Variants in TBC1D4 observed in about 807,000 individuals in gnomAD.
TBC1D4 encodes the protein TBC1 domain family member 4.
TBC1D4 carries 121 observed loss-of-function variants against 142.5 expected under a neutral mutation model. That is an observed-to-expected ratio of 0.85 (90% CI 0.73 to 0.99). The LOEUF is 0.99. TBC1D4 is among the 50% of genes least tolerant of loss of function. The pLI is 0.00. For missense variants in TBC1D4, 1,475 were observed against 1,606.6 expected (o/e 0.92, Z 1.40); for synonymous variants, 630 against 628.2 (o/e 1.00, Z -0.04).
intron 5 of TBC1D4, 115 bp downstream of exon 5, chr13:75,349,055 C>A (rs1881391693): frequency 6.6e-7 from 1 of 1,520,226 alleles, no homozygotes. Context: ...AGAAATGATT[C>A]TTTGGGTTCT....
intron 1 of TBC1D4, among the ~76,000 whole-genome samples, chr13:75,371,885 T>A (rs887458970): frequency 1.1e-4 from 17 of 152,348 alleles, no homozygotes; most frequent in African/African-American, 3.8e-4. Flanking sequence ...AATACTCTAT[T>A]GTGTACCTTC....
chr13:75,450,297 G>A (rs1566499021), intron 1 of TBC1D4, among the ~76,000 whole-genome samples: 1 of 152,030 alleles, frequency 6.6e-6, no homozygotes, highest in Admixed American at 6.6e-5. Flanking sequence ...TCCTCCAGAG[G>A]TGTACTTCAT....
chr13:75,284,310 A>G lies in TBC1D4; in HGVS notation c.*2482T>C, dbSNP rs1398609977. On this transcript the variant is annotated 3_prime_UTR_variant, in exon 21 of 21. Transcript: ENST00000377636. ...ATTATTATATCCTCACCATATTATT[A>G]TTATATACTCACCATAATGTAGAAT... Among the ~76,000 whole-genome samples the G allele has an allele frequency of 2.0e-5, 3 of 152,088 alleles. No individual in the cohort carries two copies. Among genetic ancestry groups the G allele is most frequent in the Admixed American group, 6.6e-5 (1 of 15,266 alleles).
At chr13:75,304,310 T>C (rs1360817105) in intron 15 of TBC1D4, among the ~76,000 whole-genome samples, 6 of 152,198 alleles carry the variant, frequency 3.9e-5, no homozygotes, top group African/African-American at 1.4e-4. Context: ...CAAACATTTA[T>C]TGAGCATCCA....
chr13:75,447,541 CCA>C (rs1337955138), intron 1 of TBC1D4, among the ~76,000 whole-genome samples: 1 of 136,260 alleles, frequency 7.3e-6, no homozygotes. Context: ...TGTGTACAGG[CCA>C]CTGACCAGTA....
intron 9 of TBC1D4, among the ~76,000 whole-genome samples, 162 bp from the exon 10 acceptor site, chr13:75,326,585 A>C (rs1354059411): frequency 6.6e-6 from 1 of 152,224 alleles, no homozygotes; most frequent in African/African-American, 2.4e-5. Flanking sequence ...TAGGCTAATC[A>C]GTATCACTAC....
At chr13:75,472,437 TA>T (rs1166439679) in intron 1 of TBC1D4, among the ~76,000 whole-genome samples, 2 of 151,290 alleles carry the variant, frequency 1.3e-5, no homozygotes, top group Non-Finnish European at 2.9e-5. Flanking sequence ...AAAATAAAAA[TA>T]AAAAAAAGAA....
intron 1 of TBC1D4, among the ~76,000 whole-genome samples, chr13:75,422,644 T>A (rs1046423660): frequency 1.3e-5 from 2 of 152,212 alleles, no homozygotes; most frequent in African/African-American, 4.8e-5. Flanking sequence ...TTGAATTCAC[T>A]TTTATGATAG....
intron 12 of TBC1D4, among the ~76,000 whole-genome samples, chr13:75,317,706 T>A (rs1878430487): frequency 1.3e-5 from 2 of 152,138 alleles, no homozygotes; most frequent in African/African-American, 4.8e-5. Flanking sequence ...ATTACCTCTA[T>A]CAGAAATTGA....
intron 1 of TBC1D4, 71 bp downstream of exon 1, chr13:75,481,199 C>CCCCCCCCCCCCCCCA: frequency 8.1e-7 from 1 of 1,241,708 alleles, no homozygotes; most frequent in Non-Finnish European, 1.1e-6. Flanking sequence ...GTGGGGTCCC[C>CCCCCCCCCCCCCCCA]GCCCCTCCCG....
Position 75,324,236 on chromosome 13 carries a change from C to T in TBC1D4, c.2198+1G>A, listed in dbSNP as rs772393976. On this transcript the variant is annotated splice_donor_variant, in intron 11 of 20. Transcript: ENST00000377636. LOFTEE classifies it high-confidence loss of function. Reference sequence around the variant, plus strand: ...TTGCAAACAGAGGACACTGATCTCACCTGATTTCATTTTCATACTGTGGGG... The same window carrying T: ...TTGCAAACAGAGGACACTGATCTCATCTGATTTCATTTTCATACTGTGGGG... 5.0e-6 allele frequency: 8 copies of T among 1,613,738 alleles called. No individual in the cohort carries two copies. The highest frequency in any genetic ancestry group is 5.9e-6 in the Non-Finnish European group (7 of 1,179,716).
At chr13:75,461,960 C>A (rs1887988196) in intron 1 of TBC1D4, among the ~76,000 whole-genome samples, 1 of 152,196 alleles carries the variant, frequency 6.6e-6, no homozygotes, top group Non-Finnish European at 1.5e-5. Context: ...GCTGAAATCA[C>A]TTAAACCTCT....
intron 1 of TBC1D4, among the ~76,000 whole-genome samples, chr13:75,445,593 A>T (rs537636870): frequency 5.4e-4 from 83 of 152,334 alleles, no homozygotes; most frequent in African/African-American, 1.9e-3. Context: ...CACCCAGAGT[A>T]AAATGTAGCA....
chr13:75,424,848 A>G (rs529054535), intron 1 of TBC1D4, among the ~76,000 whole-genome samples: 1 of 152,326 alleles, frequency 6.6e-6, no homozygotes, highest in East Asian at 1.9e-4. Flanking sequence ...CTCGCACCAT[A>G]TACAGAAATC....
intron 1 of TBC1D4, among the ~76,000 whole-genome samples, chr13:75,387,188 A>G (rs897799915): frequency 2.6e-5 from 4 of 152,182 alleles, no homozygotes; most frequent in Admixed American, 2.0e-4. Context: ...TTTTTGTAAT[A>G]CTTGACTTAA....
Position 75,312,867 on chromosome 13 carries a change from T to A in TBC1D4, c.2254A>T (p.Thr752Ser). ...ACACTTAGGGACTCATTGCTGCAGG[T>A]AGATGAGGTCCTTTTTCTCCCTTCT... The part of the protein sequence containing the change: ...DGEGRKRTSS[T>S]CSNESLSVGG... The change falls in exon 13 of 21, where the codon ACC becomes TCC. Residue 752 changes from threonine to serine, a missense_variant. Thr to Ser is a moderately conservative substitution (Grantham distance 58, BLOSUM62 1). Transcript: ENST00000377636. 2 of 1,614,150 alleles carry A rather than the reference T, an allele frequency of 1.2e-6. No individual in the cohort carries two copies. The highest frequency in any genetic ancestry group is 1.7e-6 in the Non-Finnish European group (2 of 1,180,010).
chr13:75,366,758 T>C (rs1157457820), intron 1 of TBC1D4, among the ~76,000 whole-genome samples: 2 of 152,228 alleles, frequency 1.3e-5, no homozygotes, highest in East Asian at 3.8e-4. Context: ...TCATAGTTAC[T>C]TAACATACTT....
At chr13:75,427,040 T>C (rs1162461491) in intron 1 of TBC1D4, among the ~76,000 whole-genome samples, 2 of 151,936 alleles carry the variant, frequency 1.3e-5, no homozygotes, top group East Asian at 3.9e-4. Flanking sequence ...CAAGAGACTG[T>C]CTCAGAAGAA....
At chr13:75,307,797 C>T (rs879258465) in intron 14 of TBC1D4, among the ~76,000 whole-genome samples, 33 of 152,184 alleles carry the variant, frequency 2.2e-4, no homozygotes, top group Non-Finnish European at 4.3e-4. Context: ...CTTCCGGATA[C>T]CACAGATGGC....
Sources: gnomAD v4.1 joint callset for allele counts (sites outside exome capture counted in the v4.1 genomes callset) on GRCh38, gnomAD v4.1.1 for gene constraint, MANE v1.5 for transcripts, NCBI Gene and HGNC (gene_info 2026-07-23, HGNC 2026-07-21) for gene names.